MCEMP1: variants seen among roughly 807,000 people sequenced by gnomAD.
MCEMP1 encodes mast cell-expressed membrane protein 1.
A neutral mutation model predicts 27.9 loss-of-function variants in MCEMP1; 17 were observed. The observed-to-expected ratio is 0.61, with a 90% CI of 0.42 to 0.91. MCEMP1 has a LOEUF of 0.91. MCEMP1 is among the 40% of genes least tolerant of loss of function. The pLI, the probability that MCEMP1 is intolerant of heterozygous loss-of-function variation, is 0.00. For synonymous variants in MCEMP1, 88 were observed against 76.9 expected (o/e 1.14, Z -0.76); for missense variants, 200 against 204.8 (o/e 0.98, Z 0.14).
rs925612196 is a variant in MCEMP1 at position 7,679,696 on chromosome 19, T to G, written c.*582T>G. The stretch of plus-strand genomic sequence containing the variant: ...TGTGTGCCCTGTCACTATCTGTGGC[T>G]GGGTGAACGGCTGTGTCATTATGAG... On this transcript the variant is annotated 3_prime_UTR_variant, in exon 7 of 7. Coordinates refer to ENST00000333598, the MANE Select transcript of MCEMP1 (RefSeq NM_174918.3). The surrounding 1 kb of genome is among the most constrained non-coding windows in gnomAD (Gnocchi z 4.9). The G allele has an allele frequency of 6.5e-6, 1 of 152,820 alleles. No homozygotes were observed. The highest frequency in any genetic ancestry group is 2.4e-5 in the African/African-American group (1 of 41,444). The allele number at this position is 152,820 out of a possible 1,614,324, so 9.5% of individuals were successfully genotyped here.
chr19:7,679,159 G>GAAAT lies in MCEMP1; in HGVS notation c.*45_*46insAAAT, dbSNP rs1474420236. 1.9e-6 allele frequency: 3 copies of GAAAT among 1,539,626 alleles called. No homozygotes were observed. Among genetic ancestry groups the GAAAT allele is most frequent in the Non-Finnish European group, 2.6e-6 (3 of 1,137,748 alleles). On this transcript the variant is annotated 3_prime_UTR_variant, in exon 7 of 7. Coordinates refer to ENST00000333598, the MANE Select transcript of MCEMP1 (RefSeq NM_174918.3). This position sits in a 1 kb window ranked among gnomAD's most constrained non-coding sequence, Gnocchi z 4.9. Reference sequence around the variant, plus strand: ...GCCAAAGCCACAACTTGGAAGATGGGGCTGCACCTGCCAACGAAGACGGGA... The same window carrying GAAAT: ...GCCAAAGCCACAACTTGGAAGATGGGAAATGCTGCACCTGCCAACGAAGACGGGA...
chr19:7,679,094 C>T lies in MCEMP1; in HGVS notation c.509-4C>T. On this transcript the variant is annotated splice_polypyrimidine_tract_variant and splice_region_variant and intron_variant, in intron 6 of 6. Transcript: ENST00000333598. This position sits in a 1 kb window ranked among gnomAD's most constrained non-coding sequence, Gnocchi z 4.9. ...CCTCACTGTGGGTCTCTCCCCATCC[C>T]CAGAGTCCTCACCTCAATAAATGAG... 6.2e-7 allele frequency: 1 copy of T among 1,606,382 alleles called. No individual in the cohort carries two copies. Among genetic ancestry groups the T allele is most frequent in the Non-Finnish European group, 8.5e-7 (1 of 1,175,952 alleles).
chr19:7,678,933 A>C lies in MCEMP1; in HGVS notation c.458A>C (p.Asn153Thr). ...RLETTLAGIK[N>T]IDTKVQKILE... Reference sequence around the variant, plus strand: ...CCTCCCCGCCCCCTAGGCATAAAAAACATTGACACAAAGGTACAGAAAATC... The same window carrying C: ...CCTCCCCGCCCCCTAGGCATAAAAACCATTGACACAAAGGTACAGAAAATC... Residue 153 changes from asparagine to threonine, a missense_variant, in exon 6 of 7, where the codon AAC becomes ACC. By Grantham distance (65) the Asn-to-Thr change is moderately conservative. Coordinates refer to ENST00000333598, the MANE Select transcript of MCEMP1 (RefSeq NM_174918.3). The surrounding 1 kb of genome is among the most constrained non-coding windows in gnomAD (Gnocchi z 4.8). 6.3e-7 allele frequency: 1 copy of C among 1,584,350 alleles called. No homozygotes were observed. The highest frequency in any genetic ancestry group is 8.6e-7 in the Non-Finnish European group (1 of 1,163,500).
At position 7,679,161 on chromosome 19, in the gene MCEMP1, C is replaced by A; in HGVS notation, c.*47C>A. ...CAAAGCCACAACTTGGAAGATGGGGCTGCACCTGCCAACGAAGACGGGAAA... is the reference window on the plus strand; with the variant it reads ...CAAAGCCACAACTTGGAAGATGGGGATGCACCTGCCAACGAAGACGGGAAA... On this transcript the variant is annotated 3_prime_UTR_variant, in exon 7 of 7. Coordinates refer to ENST00000333598, the MANE Select transcript of MCEMP1 (RefSeq NM_174918.3). The surrounding 1 kb of genome is among the most constrained non-coding windows in gnomAD (Gnocchi z 4.9). 6.5e-7 allele frequency: 1 copy of A among 1,529,616 alleles called. No individual in the cohort carries two copies. The highest frequency in any genetic ancestry group is 2.1e-4 in the Middle Eastern group (1 of 4,758). The allele number at this position is 1,529,616 out of a possible 1,614,324, so 94.8% of individuals were successfully genotyped here.
Position 7,678,344 on chromosome 19 carries a change from GAACAGATGCTGAGATGTCC to G in MCEMP1, c.284-3_299del, listed in dbSNP as rs1430983780. On this transcript the variant is annotated splice_acceptor_variant and splice_polypyrimidine_tract_variant and coding_sequence_variant and intron_variant, in exon 4 of 7. Transcript: ENST00000333598. LOFTEE classifies it high-confidence loss of function. The surrounding 1 kb of genome is among the most constrained non-coding windows in gnomAD (Gnocchi z 4.8). ...CTTCAAGGATTTTCCTGCCCCTCCT[GAACAGATGCTGAGATGTCC>G]AAGGAGCTGCTGGGCTTTAAAAGGG... 6.2e-7 allele frequency: 1 copy of G among 1,614,038 alleles called. No individual in the cohort carries two copies. The highest frequency in any genetic ancestry group is 1.1e-5 in the South Asian group (1 of 91,076).
In MCEMP1 at chr19:7,678,100, C is replaced by G. The variant is rs1309816403; in HGVS notation, c.146-4C>G. The G allele has an allele frequency of 6.3e-7, 1 of 1,589,662 alleles. No homozygotes were observed. The highest frequency in any genetic ancestry group is 1.1e-5 in the South Asian group (1 of 87,234). Reference sequence around the variant, plus strand: ...AAGGTCACTTTGCTGCCTCTTTGCTCCAGTCCCAGCCCAGTGCAGGCCGCC... The same window carrying G: ...AAGGTCACTTTGCTGCCTCTTTGCTGCAGTCCCAGCCCAGTGCAGGCCGCC... On this transcript the variant is annotated splice_region_variant and splice_polypyrimidine_tract_variant and intron_variant, in intron 2 of 6. Transcript: ENST00000333598. The surrounding 1 kb of genome is among the most constrained non-coding windows in gnomAD (Gnocchi z 4.8).
In MCEMP1 at chr19:7,678,856, G is replaced by A. The variant is rs543568035; in HGVS notation, c.449-68G>A. 736 of 1,439,574 alleles carry A rather than the reference G, an allele frequency of 5.1e-4. 7 individuals carry two copies. In the South Asian group the frequency reaches 8.7e-3, roughly 17 times the overall value. 89.2% of individuals were successfully genotyped at this position (1,439,574 alleles called of 1,614,324 possible). On this transcript the variant is annotated intron_variant, in intron 5 of 6. Coordinates refer to ENST00000333598, the MANE Select transcript of MCEMP1 (RefSeq NM_174918.3). The surrounding 1 kb of genome is among the most constrained non-coding windows in gnomAD (Gnocchi z 4.8). Reference sequence around the variant, plus strand: ...AGGGGGGGTGCTTCCAAGGAAGGTGGGGGCTTTGTTTGAGGCTCCACCGCA... The same window carrying A: ...AGGGGGGGTGCTTCCAAGGAAGGTGAGGGCTTTGTTTGAGGCTCCACCGCA...
Position 7,678,097 on chromosome 19 carries a change from G to A in MCEMP1, c.146-7G>A. Reference sequence around the variant, plus strand: ...CTCAAGGTCACTTTGCTGCCTCTTTGCTCCAGTCCCAGCCCAGTGCAGGCC... The same window carrying A: ...CTCAAGGTCACTTTGCTGCCTCTTTACTCCAGTCCCAGCCCAGTGCAGGCC... On this transcript the variant is annotated splice_region_variant and splice_polypyrimidine_tract_variant and intron_variant, in intron 2 of 6. Coordinates refer to ENST00000333598, the MANE Select transcript of MCEMP1 (RefSeq NM_174918.3). The surrounding 1 kb of genome is among the most constrained non-coding windows in gnomAD (Gnocchi z 4.8). 6.3e-7 allele frequency: 1 copy of A among 1,585,422 alleles called. No individual in the cohort carries two copies. The highest frequency in any genetic ancestry group is 8.6e-7 in the Non-Finnish European group (1 of 1,168,160).
In MCEMP1 at chr19:7,679,417, T is replaced by A. The variant is rs1215530122; in HGVS notation, c.*303T>A. 9.4e-6 allele frequency: 4 copies of A among 426,308 alleles called. No individual in the cohort carries two copies. The highest frequency in any genetic ancestry group is 4.3e-5 in the South Asian group (1 of 23,520). 26.4% of individuals were successfully genotyped at this position (426,308 alleles called of 1,614,324 possible). ...ATCTCCCAGAAAGGTGATGAATGAA[T>A]AGGACTGAGAGTCACAGTGAATGTG... On this transcript the variant is annotated 3_prime_UTR_variant, in exon 7 of 7. Transcript: ENST00000333598. The surrounding 1 kb of genome is among the most constrained non-coding windows in gnomAD (Gnocchi z 4.9).
In MCEMP1 at chr19:7,678,976, A is replaced by G; in HGVS notation, c.501A>G (p.Lys167=). The G allele has an allele frequency of 3.7e-6, 6 of 1,600,336 alleles. No homozygotes were observed. Among genetic ancestry groups the G allele is most frequent in the Non-Finnish European group, 5.1e-6 (6 of 1,172,846 alleles). ...AGAAAATCTTGGAGGTGCTGCAGAA[A>G]ATGCCACGTAAGTTGGCGCCCCGAC... ...KVQKILEVLQ[K]MPQSSPQ Residue 167 remains lysine, a synonymous_variant, in exon 6 of 7, where the codon AAA becomes AAG. Coordinates refer to ENST00000333598, the MANE Select transcript of MCEMP1 (RefSeq NM_174918.3). This position sits in a 1 kb window ranked among gnomAD's most constrained non-coding sequence, Gnocchi z 4.8.
rs2032567971 is a variant in MCEMP1, at chr19:7,677,653, C to T, written c.72C>T (p.Asp24=). The change falls in exon 2 of 7, where the codon GAC becomes GAT. Residue 24 remains aspartate, a synonymous_variant. Transcript: ENST00000333598. The surrounding 1 kb of genome is among the most constrained non-coding windows in gnomAD (Gnocchi z 4.6). ...CCCTCCCAGGTGCCCATGACCCAGA[C>T]TATGAGAATATCACCTTGGCCTTCA... ...SAKNQGAHDP[D]YENITLAFKN... 1 of 1,613,942 alleles carries T rather than the reference C, an allele frequency of 6.2e-7. No individual in the cohort carries two copies. The highest frequency in any genetic ancestry group is 1.7e-5 in the Admixed American group (1 of 59,996).
In MCEMP1 at chr19:7,679,314, G is replaced by C; in HGVS notation, c.*200G>C. ...TACACCTGCGTGCGTGTGTGTGCGT[G>C]TGTGCGCGTGTGTTCGTGTATGTGC... On this transcript the variant is annotated 3_prime_UTR_variant, in exon 7 of 7. Transcript: ENST00000333598. This position sits in a 1 kb window ranked among gnomAD's most constrained non-coding sequence, Gnocchi z 4.9. 1 of 647,728 alleles carries C rather than the reference G, an allele frequency of 1.5e-6. No homozygotes were observed. The highest frequency in any genetic ancestry group is 2.6e-6 in the Non-Finnish European group (1 of 378,592). 40.1% of individuals were successfully genotyped at this position (647,728 alleles called of 1,614,324 possible). A position where few individuals can be genotyped will look rare whatever the true frequency, so the allele number is the denominator to read the frequency against.
Position 7,678,893 on chromosome 19 carries a change from C to G in MCEMP1, c.449-31C>G, listed in dbSNP as rs775518586. Reference sequence around the variant, plus strand: ...GAGGCTCCACCGCAGCTTGACTTATCTGTTCCCACCCAACCCTCCCCGCCC... The same window carrying G: ...GAGGCTCCACCGCAGCTTGACTTATGTGTTCCCACCCAACCCTCCCCGCCC... On this transcript the variant is annotated intron_variant, in intron 5 of 6. Transcript: ENST00000333598. The surrounding 1 kb of genome is among the most constrained non-coding windows in gnomAD (Gnocchi z 4.8). 6 of 1,506,408 alleles carry G rather than the reference C, an allele frequency of 4.0e-6. No homozygotes were observed. The highest frequency in any genetic ancestry group is 2.4e-5 in the South Asian group (2 of 82,846). 93.3% of individuals were successfully genotyped at this position (1,506,408 alleles called of 1,614,324 possible). A position where few individuals can be genotyped will look rare whatever the true frequency, so the allele number is the denominator to read the frequency against.
chr19:7,679,448 C>T lies in MCEMP1; in HGVS notation c.*334C>T. On this transcript the variant is annotated 3_prime_UTR_variant, in exon 7 of 7. Transcript: ENST00000333598. This position sits in a 1 kb window ranked among gnomAD's most constrained non-coding sequence, Gnocchi z 4.9. The stretch of plus-strand genomic sequence containing the variant: ...TGAGAGTCACAGTGAATGTGGCATG[C>T]ATGCCTGTGTCATGTGACATATGTG... 1 of 350,858 alleles carries T rather than the reference C, an allele frequency of 2.9e-6. No individual in the cohort carries two copies. The highest frequency in any genetic ancestry group is 5.2e-6 in the Non-Finnish European group (1 of 193,138). The allele number at this position is 350,858 out of a possible 1,614,324, so 21.7% of individuals were successfully genotyped here.
At position 7,678,981 on chromosome 19, in the gene MCEMP1, C is replaced by G; in HGVS notation, c.506C>G (p.Pro169Arg). The G allele has an allele frequency of 6.2e-7, 1 of 1,600,354 alleles. No individual in the cohort carries two copies. Among genetic ancestry groups the G allele is most frequent in the Non-Finnish European group, 8.5e-7 (1 of 1,172,842 alleles). The change falls in exon 6 of 7, where the codon CCA becomes CGA. Residue 169 changes from proline (P) to arginine (R), a missense_variant and splice_region_variant. Coordinates refer to ENST00000333598, the MANE Select transcript of MCEMP1 (RefSeq NM_174918.3). This position sits in a 1 kb window ranked among gnomAD's most constrained non-coding sequence, Gnocchi z 4.8. Reference protein sequence around the residue: ...QKILEVLQKMPQSSPQ With the variant: ...QKILEVLQKMRQSSPQ ...ATCTTGGAGGTGCTGCAGAAAATGC[C>G]ACGTAAGTTGGCGCCCCGACAGGAG...
chr19:7,677,872 TTGA>T lies in MCEMP1; in HGVS notation c.145+153_145+155del, dbSNP rs1165462459. On this transcript the variant is annotated intron_variant, in intron 2 of 6. Coordinates refer to ENST00000333598, the MANE Select transcript of MCEMP1 (RefSeq NM_174918.3). This position sits in a 1 kb window ranked among gnomAD's most constrained non-coding sequence, Gnocchi z 4.6. ...GCTGTTGACGTGCTAATGAGGTCTG[TTGA>T]TGATGACAATGTTGGGGAATGCTGG... 2 of 1,019,302 alleles carry T rather than the reference TTGA, an allele frequency of 2.0e-6. No individual in the cohort carries two copies. Among genetic ancestry groups the T allele is most frequent in the South Asian group, 1.6e-5 (1 of 63,878 alleles). 63.1% of individuals were successfully genotyped at this position (1,019,302 alleles called of 1,614,324 possible).
Position 7,677,181 on chromosome 19 carries a change from G to A in MCEMP1, c.55+6G>A. The A allele has an allele frequency of 6.3e-7, 1 of 1,579,208 alleles. No individual in the cohort carries two copies. The highest frequency in any genetic ancestry group is 8.6e-7 in the Non-Finnish European group (1 of 1,161,848). ...GGTCTCAGCCAAGAATCAAGGTTAGGGAACTCGAGGTGGAAGGGAGGGGTT... is the reference window on the plus strand; with the variant it reads ...GGTCTCAGCCAAGAATCAAGGTTAGAGAACTCGAGGTGGAAGGGAGGGGTT... On this transcript the variant is annotated splice_donor_region_variant and intron_variant, in intron 1 of 6. Transcript: ENST00000333598. The surrounding 1 kb of genome is among the most constrained non-coding windows in gnomAD (Gnocchi z 4.6).
chr19:7,678,374 T>A lies in MCEMP1; in HGVS notation c.308T>A (p.Leu103Gln). The A allele has an allele frequency of 6.2e-7, 1 of 1,614,126 alleles. No individual in the cohort carries two copies. ...GATGCTGAGATGTCCAAGGAGCTGC[T>A]GGGCTTTAAAAGGGAGCTTTGGAAT... ...VKNAEMSKEL[L>Q]GFKRELWNVS... is the part of the protein sequence containing the mutation. Residue 103 changes from leucine (L) to glutamine (Q), a missense_variant, in exon 4 of 7, where the codon CTG becomes CAG. Leu to Gln is a moderately radical substitution (Grantham distance 113). Coordinates refer to ENST00000333598, the MANE Select transcript of MCEMP1 (RefSeq NM_174918.3). This position sits in a 1 kb window ranked among gnomAD's most constrained non-coding sequence, Gnocchi z 4.8.
rs368150819 is a variant in MCEMP1 at position 7,678,131 on chromosome 19, A to G, written c.173A>G (p.Asp58Gly). ...CCAGCCCAGTGCAGGCCGCCCTCAG[A>G]CTCCACCCAGGTCCCCTGCTGGTTG... ...QVPAQCRPPSDSTQVPCWLYR... is the reference protein window; with the variant it reads ...QVPAQCRPPSGSTQVPCWLYR... The change falls in exon 3 of 7, where the codon GAC becomes GGC. Residue 58 changes from aspartate to glycine, a missense_variant. Transcript: ENST00000333598. The surrounding 1 kb of genome is among the most constrained non-coding windows in gnomAD (Gnocchi z 4.8). 1.2e-6 allele frequency: 2 copies of G among 1,611,144 alleles called. No homozygotes were observed. Among genetic ancestry groups the G allele is most frequent in the Admixed American group, 1.7e-5 (1 of 59,712 alleles).
Sources: gnomAD v4.1 joint callset for allele counts on GRCh38, gnomAD v4.1.1 for gene constraint, Gnocchi (gnomAD v3.1) non-coding constraint, MANE v1.5 for transcripts, NCBI Gene and HGNC (gene_info 2026-07-23, HGNC 2026-07-21) for gene names.